Variants in CTNNA2 observed in about 807,000 individuals in gnomAD.
The protein encoded by CTNNA2 is catenin alpha-2.
A neutral mutation model predicts 101.0 loss-of-function variants in CTNNA2; 42 were observed. The ratio of observed to expected loss-of-function variants is 0.42; its 90% CI spans 0.32 to 0.54. CTNNA2 has a LOEUF of 0.54. Ranked by LOEUF, CTNNA2 falls within the 20% of genes least tolerant of loss-of-function variation. The pLI, the probability that CTNNA2 is intolerant of heterozygous loss-of-function variation, is 0.14. For missense variants in CTNNA2, 871 were observed against 1,223.1 expected (o/e 0.71, Z 4.29); for synonymous variants, 450 against 456.4 (o/e 0.99, Z 0.18).
intron 7 of CTNNA2, among the ~76,000 whole-genome samples, chr2:80,363,606 G>A (rs568356093): frequency 3.9e-5 from 6 of 152,176 alleles, no homozygotes; most frequent in East Asian, 1.9e-4. Flanking sequence ...CTCTATTTGC[G>A]TGAGGATTTC....
chr2:79,919,646 G>A (rs1338058973), intron 7 of CTNNA2, among the ~76,000 whole-genome samples: 1 of 152,210 alleles, frequency 6.6e-6, no homozygotes, highest in Non-Finnish European at 1.5e-5. Context: ...GTCAGGGAGA[G>A]CAGCAGGCTG....
intron 7 of CTNNA2, among the ~76,000 whole-genome samples, chr2:80,196,933 CA>C (rs1486459379): frequency 1.3e-5 from 2 of 152,184 alleles, no homozygotes; most frequent in Non-Finnish European, 2.9e-5. Flanking sequence ...CCTCCAAAGC[CA>C]TTCTGTCTCT....
chr2:80,164,780 T>C (rs1704550952), intron 7 of CTNNA2, among the ~76,000 whole-genome samples: 1 of 151,986 alleles, frequency 6.6e-6, no homozygotes, highest in African/African-American at 2.4e-5. Flanking sequence ...CAATAGAGCA[T>C]GTAATGGTTT....
At chr2:79,851,368 A>G (rs1428890851) in intron 3 of CTNNA2, among the ~76,000 whole-genome samples, 4 of 152,220 alleles carry the variant, frequency 2.6e-5, no homozygotes, top group African/African-American at 4.8e-5. Flanking sequence ...GAAGTTGGAC[A>G]TTGTTGACTG....
intron 1 of CTNNA2, among the ~76,000 whole-genome samples, chr2:79,627,339 T>A (rs565770208): frequency 6.6e-6 from 1 of 152,344 alleles, no homozygotes; most frequent in African/African-American, 2.4e-5. Context: ...CTCCCAGAGC[T>A]GTTTGAAATG....
At chr2:79,572,192 C>T (rs1459251191) in intron 1 of CTNNA2, among the ~76,000 whole-genome samples, 1 of 152,052 alleles carries the variant, frequency 6.6e-6, no homozygotes, top group Non-Finnish European at 1.5e-5. Flanking sequence ...CAACCTTGAG[C>T]GATTTCTGTA....
chr2:79,377,123 T>C (rs1365393817), intron 4 of CTNNA2, among the ~76,000 whole-genome samples: 1 of 151,750 alleles, frequency 6.6e-6, no homozygotes, highest in Admixed American at 6.6e-5. Flanking sequence ...GTGTTCCTAT[T>C]TCTCCACATC....
At chr2:80,594,185 C>T (rs1237581997) in intron 15 of CTNNA2, among the ~76,000 whole-genome samples, 1 of 152,056 alleles carries the variant, frequency 6.6e-6, no homozygotes, top group African/African-American at 2.4e-5. Context: ...AGTAGCCATC[C>T]TAATGGATGT....
At position 80,075,207 on chromosome 2, in the gene CTNNA2, C is replaced by A. The variant is rs573315589; in HGVS notation, c.1056+165410C>A. Among the ~76,000 whole-genome samples, 14 of 152,208 alleles carry A rather than the reference C, an allele frequency of 9.2e-5. No homozygotes were observed. In the South Asian group the frequency reaches 1.7e-3, roughly 18 times the overall value. ...CAGCTTTTTCTTCTATCATCCATAT[C>A]AAGATACCTGTATCCCATATTCCTA... is the stretch of plus-strand genomic sequence containing the variant. On this transcript the variant is annotated intron_variant, in intron 7 of 18. Coordinates refer to ENST00000402739, the MANE Select transcript of CTNNA2 (RefSeq NM_001282597.3).
chr2:79,416,319 T>C (rs1053309647), intron 4 of CTNNA2, among the ~76,000 whole-genome samples: 1 of 141,854 alleles, frequency 7.0e-6, no homozygotes, highest in South Asian at 2.5e-4. Flanking sequence ...TGAGAACAAC[T>C]ACTTTTCTAA....
intron 13 of CTNNA2, among the ~76,000 whole-genome samples, chr2:80,579,753 C>A (rs538649596): frequency 1.3e-5 from 2 of 152,322 alleles, no homozygotes; most frequent in East Asian, 3.9e-4. Flanking sequence ...GCATAACGTG[C>A]TATTGGCACG....
At position 80,619,208 on chromosome 2, in the gene CTNNA2, G is replaced by A. The variant is rs1409399540; in HGVS notation, c.2554G>A (p.Gly852Arg). The A allele has an allele frequency of 2.5e-6, 4 of 1,580,282 alleles. No individual in the cohort carries two copies. In the African/African-American group the frequency reaches 5.4e-5, roughly 21 times the overall value. Reference protein sequence around the residue: ...TCAEGAPIGSGSSDSSMLDSA... With the variant: ...TCAEGAPIGSRSSDSSMLDSA... Reference sequence around the variant, plus strand: ...TGCTGAGGGAGCTCCGATCGGGAGTGGAAGCAGTGATTCCTCCATGGTGAG... The same window carrying A: ...TGCTGAGGGAGCTCCGATCGGGAGTAGAAGCAGTGATTCCTCCATGGTGAG... The change falls in exon 18 of 19, where the codon GGA (glycine) becomes AGA (arginine). Residue 852 changes from glycine to arginine, a missense_variant. Physicochemically the swap from Gly to Arg is moderately radical, Grantham distance 125. Around this residue, in one of 5 missense-constraint regions of CTNNA2, gnomAD observed 65 missense variants for 53.3 expected, o/e 1.22. Coordinates refer to ENST00000402739, the MANE Select transcript of CTNNA2 (RefSeq NM_001282597.3).
chr2:79,334,575 G>A (rs539835271), intron 3 of CTNNA2, among the ~76,000 whole-genome samples: 2 of 152,072 alleles, frequency 1.3e-5, no homozygotes, highest in African/African-American at 4.8e-5. Context: ...ATACAATATT[G>A]TGTAATTCAC....
chr2:79,603,263 A>C (rs185855654), intron 1 of CTNNA2, among the ~76,000 whole-genome samples: 1 of 152,334 alleles, frequency 6.6e-6, no homozygotes, highest in Non-Finnish European at 1.5e-5. Context: ...CAGATGAATT[A>C]GAGACCCAAT....
chr2:79,509,722 A>C (rs1290685910), upstream of CTNNA2, among the ~76,000 whole-genome samples: 1 of 152,224 alleles, frequency 6.6e-6, no homozygotes, highest in Non-Finnish European at 1.5e-5. Context: ...GTACAAAACC[A>C]AGAGTGAACT....
At chr2:79,230,039 G>C (rs1674469528) in intron 2 of CTNNA2, among the ~76,000 whole-genome samples, 1 of 152,200 alleles carries the variant, frequency 6.6e-6, no homozygotes, top group African/African-American at 2.4e-5. Context: ...AAGGGAAGCA[G>C]AGCATAAAAG....
At chr2:79,311,131 C>A (rs552483048) in intron 2 of CTNNA2, among the ~76,000 whole-genome samples, 1 of 152,172 alleles carries the variant, frequency 6.6e-6, no homozygotes, top group Admixed American at 6.5e-5. Flanking sequence ...GGTGATTGGC[C>A]GGGCGCTGTG....
chr2:80,640,993 G>A (rs764645523), intron 18 of CTNNA2, among the ~76,000 whole-genome samples: 1 of 152,142 alleles, frequency 6.6e-6, no homozygotes, highest in Non-Finnish European at 1.5e-5. Flanking sequence ...ATATGTTAAA[G>A]CTATGCTATT....
intron 2 of CTNNA2, among the ~76,000 whole-genome samples, chr2:79,204,701 C>G (rs1213515906): frequency 1.3e-5 from 2 of 152,176 alleles, no homozygotes; most frequent in Non-Finnish European, 2.9e-5. Context: ...TGTCCAAGAT[C>G]AAGGCATCAG....
Sources: gnomAD v4.1 joint callset for allele counts (sites outside exome capture counted in the v4.1 genomes callset) on GRCh38, gnomAD v4.1.1 for gene constraint, gnomAD v4.1.1 regional missense constraint, MANE v1.5 for transcripts, NCBI Gene and HGNC (gene_info 2026-07-23, HGNC 2026-07-21) for gene names.